Variants in PLXNA4 observed in about 807,000 individuals in gnomAD.
PLXNA4 encodes the protein plexin A4.
A neutral mutation model predicts 191.8 loss-of-function variants in PLXNA4; 44 were observed. The ratio of observed to expected loss-of-function variants is 0.23; its 90% CI spans 0.18 to 0.29. The LOEUF is 0.29. Ranked by LOEUF, PLXNA4 falls within the 10% of genes least tolerant of loss-of-function variation. The pLI, the probability that PLXNA4 is intolerant of heterozygous loss-of-function variation, is 1.00. For synonymous variants in PLXNA4, 1,082 were observed against 1,009.5 expected (o/e 1.07, Z -1.36); for missense variants, 1,800 against 2,488.8 (o/e 0.72, Z 5.89).
intron 29 of PLXNA4, among the ~76,000 whole-genome samples, chr7:132,141,109 C>T (rs1795254915): frequency 6.6e-6 from 1 of 152,124 alleles, no homozygotes; most frequent in African/African-American, 2.4e-5. Flanking sequence ...CATCATCTTC[C>T]CTTTGGTCTA....
At chr7:132,576,647 C>G (rs1802253588), upstream of PLXNA4, 4 of 976,872 alleles carry the variant, frequency 4.1e-6, no homozygotes, top group Non-Finnish European at 4.9e-6. This position sits in a 1 kb window ranked among gnomAD's most constrained non-coding sequence, Gnocchi z 5.8. Context: ...GGCTTGACAG[C>G]TTCTCTTGCG....
intron 1 of PLXNA4, among the ~76,000 whole-genome samples, chr7:132,564,365 CT>C (rs1801614201): frequency 6.7e-6 from 1 of 148,880 alleles, no homozygotes; most frequent in African/African-American, 2.5e-5. Context: ...CTTTCTCCTC[CT>C]CCTCCTTCTC....
At chr7:132,486,342 C>T (rs926701826) in intron 3 of PLXNA4, among the ~76,000 whole-genome samples, 4 of 152,142 alleles carry the variant, frequency 2.6e-5, no homozygotes, top group Non-Finnish European at 4.4e-5. Context: ...GGGAGTGGTG[C>T]TTAGTGAGTG....
chr7:132,635,680 C>T (rs1008290321), intron 2 of PLXNA4, among the ~76,000 whole-genome samples: 1 of 152,162 alleles, frequency 6.6e-6, no homozygotes, highest in African/African-American at 2.4e-5. Context: ...CTCTGTCAGG[C>T]TGGCCTCAAA....
Position 132,439,976 on chromosome 7 carries a change from GTGTGCA to G in PLXNA4, c.1371+49310_1371+49315del, listed in dbSNP as rs202227972. ...AACCTTATTTCACATGTGCACACAT[GTGTGCA>G]TGTGCATGTGTGAGTGTGTGTGTGT... On this transcript the variant is annotated intron_variant, in intron 3 of 31. Coordinates refer to ENST00000321063, the MANE Select transcript of PLXNA4 (RefSeq NM_020911.2). 6.2e-5 allele frequency among the ~76,000 whole-genome samples: 8 copies of G among 129,918 alleles called. No individual in the cohort carries two copies. In the East Asian group the frequency reaches 8.9e-4, roughly 14 times the overall value. 85.2% of individuals were successfully genotyped at this position (129,918 alleles called of 152,430 possible).
chr7:132,542,365 TGGGGGAATAGTATAGGCCAA>T (rs1585305162), intron 1 of PLXNA4, among the ~76,000 whole-genome samples: 1 of 152,234 alleles, frequency 6.6e-6, no homozygotes, highest in East Asian at 1.9e-4. Flanking sequence ...GATGAGGGCG[TGGGGGAATAGTATAGGCCAA>T]GGTACAGATG....
chr7:132,264,700 T>C (rs1799781788), intron 4 of PLXNA4, among the ~76,000 whole-genome samples: 1 of 150,752 alleles, frequency 6.6e-6, no homozygotes, highest in African/African-American at 2.4e-5. Flanking sequence ...TTTTTTTTTT[T>C]TTCTTTTTCT....
chr7:132,223,874 A>C (rs1267436825), intron 8 of PLXNA4, among the ~76,000 whole-genome samples: 1 of 152,076 alleles, frequency 6.6e-6, no homozygotes, highest in Non-Finnish European at 1.5e-5. Context: ...CCGTTCCCCC[A>C]AGGCCAAATT....
chr7:132,594,583 G>T (rs956768431), intron 2 of PLXNA4, among the ~76,000 whole-genome samples: 48 of 152,184 alleles, frequency 3.2e-4, no homozygotes, highest in African/African-American at 1.1e-3. Flanking sequence ...TTGAAGTCCC[G>T]CAACTTCGTG....
intron 1 of PLXNA4, among the ~76,000 whole-genome samples, chr7:132,555,056 A>ACAAAAAAAAAACC (rs1554467879): frequency 1.3e-5 from 2 of 150,316 alleles, no homozygotes; most frequent in African/African-American, 5.0e-5. Flanking sequence ...AAAAAAAAAA[A>ACAAAAAAAAAACC]CAAAAAAAAA....
At chr7:132,569,652 T>G (rs1361830521) in intron 1 of PLXNA4, among the ~76,000 whole-genome samples, 1 of 152,244 alleles carries the variant, frequency 6.6e-6, no homozygotes, top group Non-Finnish European at 1.5e-5. Context: ...GTTATCTACA[T>G]CTATTTGTAT....
At chr7:132,465,175 T>C (rs2117381286) in intron 3 of PLXNA4, among the ~76,000 whole-genome samples, 1 of 151,086 alleles carries the variant, frequency 6.6e-6, no homozygotes, top group East Asian at 2.0e-4. Flanking sequence ...ATTTCACGAT[T>C]CAGTCTAGAC....
rs974384234 is a variant in PLXNA4, at chr7:132,123,704, G to A, written c.*6775C>T. The stretch of plus-strand genomic sequence containing the variant: ...CAAAGGGTCAATGTTCGAGGTGGGA[G>A]CTTTAGTTTGAAACAGAAGTGGGAT... On this transcript the variant is annotated 3_prime_UTR_variant, in exon 32 of 32. Coordinates refer to ENST00000321063, the MANE Select transcript of PLXNA4 (RefSeq NM_020911.2). 5.9e-5 allele frequency: 9 copies of A among 152,190 alleles called. No individual in the cohort carries two copies. The highest frequency in any genetic ancestry group is 8.8e-5 in the Non-Finnish European group (6 of 68,034). 9.4% of individuals were successfully genotyped at this position (152,190 alleles called of 1,614,324 possible).
chr7:132,133,569 G>A (rs1182237760), intron 30 of PLXNA4, among the ~76,000 whole-genome samples: 4 of 152,044 alleles, frequency 2.6e-5, no homozygotes, highest in African/African-American at 4.8e-5. Flanking sequence ...CAGACGCAAG[G>A]GATCTCCTCC....
At chr7:132,132,125 C>T (rs1342104606) in intron 31 of PLXNA4, among the ~76,000 whole-genome samples, 2 of 152,214 alleles carry the variant, frequency 1.3e-5, no homozygotes, top group African/African-American at 2.4e-5. Context: ...GACTAGAAGC[C>T]CAGGAAGACA....
chr7:132,357,446 G>A (rs1441780145), intron 3 of PLXNA4, among the ~76,000 whole-genome samples: 1 of 152,206 alleles, frequency 6.6e-6, no homozygotes, highest in African/African-American at 2.4e-5. Context: ...CACATTCTCA[G>A]CCAAATGAGA....
At chr7:132,495,849 T>C (rs1229347732) in intron 2 of PLXNA4, among the ~76,000 whole-genome samples, 1 of 152,236 alleles carries the variant, frequency 6.6e-6, no homozygotes, top group Non-Finnish European at 1.5e-5. Flanking sequence ...ACTCCCTGCG[T>C]TCAGCAAGGG....
intron 2 of PLXNA4, among the ~76,000 whole-genome samples, chr7:132,615,113 G>T (rs117457767): frequency 0.019 from 2,880 of 152,276 alleles, 65 homozygotes; most frequent in Middle Eastern, 0.078. Flanking sequence ...TTTAGGACAC[G>T]CCATGGTTTT....
At chr7:132,224,239 C>T (rs1798240741) in intron 8 of PLXNA4, among the ~76,000 whole-genome samples, 1 of 152,186 alleles carries the variant, frequency 6.6e-6, no homozygotes, top group African/African-American at 2.4e-5. Context: ...CTATGCCCTT[C>T]ACGGTATAGA....
Sources: allele counts gnomAD v4.1 joint callset (sites outside exome capture counted in the v4.1 genomes callset), GRCh38; gene constraint gnomAD v4.1.1; non-coding constraint Gnocchi (gnomAD v3.1); transcripts MANE v1.5; gene names NCBI Gene and HGNC (gene_info 2026-07-23, HGNC 2026-07-21).